Variants in ZNF90 observed in about 807,000 individuals in gnomAD.
ZNF90 encodes the protein zinc finger protein HTF9.
ZNF90 carries 11 observed loss-of-function variants against 12.0 expected under a neutral mutation model. That is an observed-to-expected ratio of 0.92 (90% CI 0.58 to 1.52). ZNF90 has a LOEUF of 1.52. Ranked by LOEUF, ZNF90 falls within the 40% of genes most tolerant of loss-of-function variation. ZNF90 has a pLI of 0.00. For synonymous variants in ZNF90, 232 were observed against 240.1 expected, an observed-to-expected ratio of 0.97 and a Z score of 0.31; for missense variants, 765 against 711.5, an observed-to-expected ratio of 1.08 and a Z score of -0.86.
intron 1 of ZNF90, chr19:20,080,004 C>T (rs2088808213): frequency 3.1e-6 from 1 of 322,776 alleles, no homozygotes; most frequent in South Asian, 2.7e-5. Context: ...GGCACAATCT[C>T]GGCTCACTGC....
At chr19:20,102,958 G>A (rs1555704024) in intron 1 of ZNF90, among the ~76,000 whole-genome samples, 2 of 152,176 alleles carry the variant, frequency 1.3e-5, no homozygotes, top group Non-Finnish European at 2.9e-5. Flanking sequence ...TATAAAACAT[G>A]TTCCTTTATG....
intron 3 of ZNF90, among the ~76,000 whole-genome samples, chr19:20,115,797 CTT>C (rs1407956226): frequency 3.3e-5 from 5 of 151,498 alleles, no homozygotes; most frequent in African/African-American, 1.2e-4. Flanking sequence ...TTTAATATTT[CTT>C]GTTATCCTCA....
At chr19:20,112,665 C>T (rs1352361683) in intron 3 of ZNF90, among the ~76,000 whole-genome samples, 2 of 152,118 alleles carry the variant, frequency 1.3e-5, no homozygotes, top group African/African-American at 2.4e-5. Context: ...CTGATGAACC[C>T]TCTTAACTTT....
chr19:20,101,125 C>T (rs1449233195), intron 1 of ZNF90, among the ~76,000 whole-genome samples: 2 of 152,198 alleles, frequency 1.3e-5, no homozygotes, highest in Non-Finnish European at 2.9e-5. Context: ...AAGACTTCCA[C>T]CCCTCCCCCT....
At chr19:20,091,213 A>G (rs1410820015) in intron 1 of ZNF90, among the ~76,000 whole-genome samples, 14 of 152,162 alleles carry the variant, frequency 9.2e-5, no homozygotes, top group Admixed American at 3.9e-4. Flanking sequence ...AGTCCTGGGC[A>G]GGGGCAAATC....
chr19:20,119,419 A>G lies in ZNF90; in HGVS notation c.*59A>G. On this transcript the variant is annotated 3_prime_UTR_variant, in exon 4 of 4. Transcript: ENST00000418063. ...TTCATACTGGAGAGAAACCGTATAA[A>G]TGTGATGACTGTTGGAAAGCCTTTG... 1 of 1,451,960 alleles carries G rather than the reference A, an allele frequency of 6.9e-7. No homozygotes were observed. Among genetic ancestry groups the G allele is most frequent in the Non-Finnish European group, 9.3e-7 (1 of 1,080,378 alleles). The allele number at this position is 1,451,960 out of a possible 1,614,324, so 89.9% of individuals were successfully genotyped here.
At position 20,119,474 on chromosome 19, in the gene ZNF90, A is replaced by G. The variant is rs2089177531; in HGVS notation, c.*114A>G. 9.2e-6 allele frequency: 8 copies of G among 872,806 alleles called. No individual in the cohort carries two copies. The highest frequency in any genetic ancestry group is 1.2e-5 in the Non-Finnish European group (7 of 577,032). The allele number at this position is 872,806 out of a possible 1,614,324, so 54.1% of individuals were successfully genotyped here. A position where few individuals can be genotyped will look rare whatever the true frequency, so the allele number is the denominator to read the frequency against. On this transcript the variant is annotated 3_prime_UTR_variant, in exon 4 of 4. Coordinates refer to ENST00000418063, the MANE Select transcript of ZNF90 (RefSeq NM_007138.2). ...CCCCTCTACTCTTACTAAATATGAG[A>G]ATTTATATGAAACATAACTCCTACA... is the stretch of plus-strand genomic sequence containing the variant.
chr19:20,097,544 A>T (rs189560920), intron 1 of ZNF90, among the ~76,000 whole-genome samples: 49 of 152,310 alleles, frequency 3.2e-4, no homozygotes, highest in Non-Finnish European at 4.4e-5. Context: ...GGGGCCCACA[A>T]ACCCAATTAG....
At chr19:20,112,544 A>T (rs567513950) in intron 3 of ZNF90, among the ~76,000 whole-genome samples, 1 of 151,418 alleles carries the variant, frequency 6.6e-6, no homozygotes, top group South Asian at 2.1e-4. Context: ...CTGGTCTCAG[A>T]CTCTTGATCT....
At chr19:20,106,044 C>CA (rs1555704366) in intron 3 of ZNF90, among the ~76,000 whole-genome samples, 13,836 of 72,064 alleles carry the variant, frequency 0.19, 1,921 homozygotes, top group African/African-American at 0.42. Flanking sequence ...CTAATTTTTT[C>CA]TTTTTTTTTT....
At position 20,119,096 on chromosome 19, in the gene ZNF90, T is replaced by C. The variant is rs781809591; in HGVS notation, c.1542T>C (p.Cys514=). The change falls in exon 4 of 4, where the codon TGT becomes TGC. Residue 514 remains cysteine, a synonymous_variant. Coordinates refer to ENST00000418063, the MANE Select transcript of ZNF90 (RefSeq NM_007138.2). ...AGAATCCCTACAAATGTGAAGAATGTGGCAAAGCCTTCAAGCGCTCCTCAG... is the reference window on the plus strand; with the variant it reads ...AGAATCCCTACAAATGTGAAGAATGCGGCAAAGCCTTCAAGCGCTCCTCAG... ...SGENPYKCEE[C]GKAFKRSSVL... 20 of 1,612,762 alleles carry C rather than the reference T, an allele frequency of 1.2e-5. No individual in the cohort carries two copies. Among genetic ancestry groups the C allele is most frequent in the Non-Finnish European group, 1.6e-5 (19 of 1,179,446 alleles).
At chr19:20,080,806 G>T (rs1228403130) in intron 1 of ZNF90, among the ~76,000 whole-genome samples, 2 of 152,252 alleles carry the variant, frequency 1.3e-5, no homozygotes, top group African/African-American at 4.8e-5. Context: ...GGTCTGTGCT[G>T]ACTCTGGGTG....
chr19:20,117,329 C>T (rs2122529004), intron 3 of ZNF90, among the ~76,000 whole-genome samples: 1 of 152,208 alleles, frequency 6.6e-6, no homozygotes, highest in South Asian at 2.1e-4. Flanking sequence ...AAGGCATGAG[C>T]CTGGGTGGAA....
chr19:20,112,449 C>G (rs578112732), intron 3 of ZNF90, among the ~76,000 whole-genome samples: 283 of 151,898 alleles, frequency 1.9e-3, no homozygotes, highest in Non-Finnish European at 2.3e-3. Flanking sequence ...AGCGTCCTGA[C>G]TAGCTGGGAC....
At chr19:20,115,330 A>G (rs75515084) in intron 3 of ZNF90, among the ~76,000 whole-genome samples, 1,665 of 151,668 alleles carry the variant, frequency 0.011, 16 homozygotes, top group Middle Eastern at 0.031. Flanking sequence ...AATTTTAAAT[A>G]GTTTTCTGAA....
rs2089177984 is a variant in ZNF90, at chr19:20,119,523, T to G, written c.*163T>G. ...CAAAAATAAAGAATGTGACAAATCATTTTAAGGAAGTTCTCAACCCTTACT... is the reference window on the plus strand; with the variant it reads ...CAAAAATAAAGAATGTGACAAATCAGTTTAAGGAAGTTCTCAACCCTTACT... On this transcript the variant is annotated 3_prime_UTR_variant, in exon 4 of 4. Transcript: ENST00000418063. The G allele has an allele frequency of 1.4e-6, 1 of 694,442 alleles. No individual in the cohort carries two copies. The allele number at this position is 694,442 out of a possible 1,614,324, so 43.0% of individuals were successfully genotyped here.
rs2089178076 is a variant in ZNF90, at chr19:20,119,534, T to A, written c.*174T>A. ...AATGTGACAAATCATTTTAAGGAAG[T>A]TCTCAACCCTTACTACACATAATTC... On this transcript the variant is annotated 3_prime_UTR_variant, in exon 4 of 4. Transcript: ENST00000418063. 1.6e-6 allele frequency: 1 copy of A among 640,376 alleles called. No individual in the cohort carries two copies. Among genetic ancestry groups the A allele is most frequent in the African/African-American group, 1.8e-5 (1 of 54,606 alleles). The allele number at this position is 640,376 out of a possible 1,614,324, so 39.7% of individuals were successfully genotyped here.
chr19:20,093,672 G>A (rs1260897793), intron 1 of ZNF90, among the ~76,000 whole-genome samples: 1 of 152,126 alleles, frequency 6.6e-6, no homozygotes, highest in Non-Finnish European at 1.5e-5. Context: ...CAGAGTGGGG[G>A]AGTTTTCAGG....
chr19:20,095,945 G>A (rs965434862), intron 1 of ZNF90, among the ~76,000 whole-genome samples: 1 of 152,218 alleles, frequency 6.6e-6, no homozygotes, highest in Non-Finnish European at 1.5e-5. Flanking sequence ...AAACGTGAGT[G>A]TATAATCAGA....
Sources: allele counts gnomAD v4.1 joint callset (sites outside exome capture counted in the v4.1 genomes callset), GRCh38; gene constraint gnomAD v4.1.1; transcripts MANE v1.5; gene names NCBI Gene and HGNC (gene_info 2026-07-23, HGNC 2026-07-21).